MYO3B: variants seen among roughly 807,000 people sequenced by gnomAD.
MYO3B encodes myosin IIIB.
MYO3B carries 156 observed loss-of-function variants against 174.6 expected under a neutral mutation model. That is an observed-to-expected ratio of 0.89 (90% CI 0.78 to 1.02). The LOEUF (loss-of-function observed/expected upper bound fraction) is 1.02. Among genes scored for constraint, MYO3B ranks in the 50% least tolerant of loss-of-function variants. MYO3B has a pLI of 0.00. For synonymous variants in MYO3B, 563 were observed against 569.1 expected (o/e 0.99, Z 0.15); for missense variants, 1,632 against 1,639.4 (o/e 1.00, Z 0.08).
chr2:170,499,937 T>C (rs959348269), intron 27 of MYO3B, 129 bp downstream of exon 27: 36 of 638,648 alleles, frequency 5.6e-5, no homozygotes, highest in African/African-American at 9.6e-5. Flanking sequence ...CTCCCTCCCT[T>C]CCTTCCTTCC....
At chr2:170,352,304 T>C (rs1232227061) in intron 8 of MYO3B, among the ~76,000 whole-genome samples, 4 of 152,104 alleles carry the variant, frequency 2.6e-5, no homozygotes, top group Admixed American at 2.0e-4. Flanking sequence ...TACAGGAAAA[T>C]TGACAGTTAA....
chr2:170,385,993 A>T (rs1369207241), intron 12 of MYO3B, 196 bp from the exon 13 acceptor site: 1 of 474,646 alleles, frequency 2.1e-6, no homozygotes, highest in Non-Finnish European at 3.8e-6. Context: ...TAAACAGATT[A>T]TGGTACATAT....
At chr2:170,579,567 G>T (rs931038074) in intron 32 of MYO3B, among the ~76,000 whole-genome samples, 1 of 152,206 alleles carries the variant, frequency 6.6e-6, no homozygotes, top group Non-Finnish European at 1.5e-5. Flanking sequence ...TGTGTAGGCA[G>T]AAGCCAATTT....
intron 22 of MYO3B, among the ~76,000 whole-genome samples, chr2:170,443,447 T>C (rs559149302): frequency 3.8e-4 from 58 of 152,352 alleles, no homozygotes; most frequent in South Asian, 1.7e-3. Context: ...AGGTTGCCTG[T>C]TCACTCTGAT....
intron 6 of MYO3B, among the ~76,000 whole-genome samples, chr2:170,222,077 C>T (rs1448005738): frequency 1.3e-5 from 2 of 152,144 alleles, no homozygotes; most frequent in Non-Finnish European, 2.9e-5. Context: ...GTTGATTTAG[C>T]AGCTCATAAT....
chr2:170,196,382 A>G (rs998587032), intron 1 of MYO3B, among the ~76,000 whole-genome samples: 2 of 152,114 alleles, frequency 1.3e-5, no homozygotes, highest in Non-Finnish European at 2.9e-5. Context: ...GTGTGGTAGC[A>G]CATGCTTGTG....
chr2:170,191,816 G>C (rs1574551230), intron 1 of MYO3B, among the ~76,000 whole-genome samples: 1 of 152,250 alleles, frequency 6.6e-6, no homozygotes, highest in East Asian at 1.9e-4. Flanking sequence ...CTGATTTTAG[G>C]TTCTTATGAA....
chr2:170,426,975 G>A (rs1325167101), intron 22 of MYO3B, among the ~76,000 whole-genome samples: 2 of 151,702 alleles, frequency 1.3e-5, no homozygotes, highest in Non-Finnish European at 2.9e-5. Context: ...CCGAGATTGC[G>A]CCATTGCACT....
chr2:170,401,246 C>T (rs1246367135), intron 17 of MYO3B, among the ~76,000 whole-genome samples: 1 of 152,006 alleles, frequency 6.6e-6, no homozygotes, highest in Admixed American at 6.5e-5. Context: ...GGCAAAAGAC[C>T]ACCTCCTCTT....
chr2:170,431,757 CAATAAAACCGATGGGAGG>C (rs1233695131), intron 22 of MYO3B, among the ~76,000 whole-genome samples: 1 of 152,204 alleles, frequency 6.6e-6, no homozygotes, highest in African/African-American at 2.4e-5. Context: ...TACCTTTCTT[CAATAAAACCGATGGGAGG>C]ATAGTCTGGT....
intron 32 of MYO3B, among the ~76,000 whole-genome samples, chr2:170,556,728 G>A (rs1464249133): frequency 1.3e-5 from 2 of 152,118 alleles, no homozygotes; most frequent in Non-Finnish European, 2.9e-5. Context: ...CACCATGTTA[G>A]CCAGGCTGGT....
intron 1 of MYO3B, among the ~76,000 whole-genome samples, chr2:170,187,803 C>A (rs1359217086): frequency 6.6e-6 from 1 of 152,030 alleles, no homozygotes; most frequent in African/African-American, 2.4e-5. Context: ...TTACTGATTT[C>A]TAGTTTTAAT....
intron 32 of MYO3B, among the ~76,000 whole-genome samples, chr2:170,604,155 T>C (rs1030789279): frequency 6.6e-6 from 1 of 152,244 alleles, no homozygotes; most frequent in Non-Finnish European, 1.5e-5. Context: ...GAACATATCC[T>C]TGTTGTTAAG....
chr2:170,449,552 C>T (rs879745796), intron 23 of MYO3B, among the ~76,000 whole-genome samples: 5 of 151,944 alleles, frequency 3.3e-5, no homozygotes, highest in South Asian at 2.1e-4. Flanking sequence ...CTGAGGTGGG[C>T]GGATCACCTG....
rs540005533 is a variant in MYO3B at position 170,553,831 on chromosome 2, C to T, written c.3733+9843C>T. ...GTGGGAGGTGATTGGATCATGGGGG[C>T]GGATTTCCCCCTTGCTGTTCTCATG... On this transcript the variant is annotated intron_variant, in intron 32 of 34. Transcript: ENST00000408978. Among the ~76,000 whole-genome samples, 15 of 152,254 alleles carry T rather than the reference C, an allele frequency of 9.9e-5. No individual in the cohort carries two copies. In the South Asian group the frequency reaches 1.0e-3, roughly 11 times the overall value.
intron 32 of MYO3B, among the ~76,000 whole-genome samples, chr2:170,567,440 GTT>G (rs1459496310): frequency 6.6e-6 from 1 of 152,144 alleles, no homozygotes; most frequent in Non-Finnish European, 1.5e-5. Context: ...TAATAGAAAT[GTT>G]TAAAGCCCTC....
chr2:170,216,822 A>C (rs1305330051), intron 5 of MYO3B, among the ~76,000 whole-genome samples: 1 of 152,108 alleles, frequency 6.6e-6, no homozygotes, highest in East Asian at 1.9e-4. Flanking sequence ...GATATTTTGG[A>C]TTGATCCTAG....
rs548519304 is a variant in MYO3B, at chr2:170,532,813, T to G, written c.3576-10093T>G. Among the ~76,000 whole-genome samples the G allele has an allele frequency of 7.1e-5, 8 of 112,346 alleles. No homozygotes were observed. The East Asian group carries it at 1.8e-3, about 25-fold the overall frequency. The allele number at this position is 112,346 out of a possible 152,430, so 73.7% of individuals were successfully genotyped here. A position where few individuals can be genotyped will look rare whatever the true frequency, so the allele number is the denominator to read the frequency against. Reference sequence around the variant, plus strand: ...TCTGGGCAACAAGAGTGAAACTCTGTCTCAAAAAAAAAAAAAAAAAAAGAG... The same window carrying G: ...TCTGGGCAACAAGAGTGAAACTCTGGCTCAAAAAAAAAAAAAAAAAAAGAG... On this transcript the variant is annotated intron_variant, in intron 30 of 34. Coordinates refer to ENST00000408978, the MANE Select transcript of MYO3B (RefSeq NM_138995.5).
intron 23 of MYO3B, among the ~76,000 whole-genome samples, chr2:170,459,677 G>C (rs1038186566): frequency 2.0e-5 from 3 of 152,200 alleles, no homozygotes; most frequent in Non-Finnish European, 4.4e-5. Flanking sequence ...CATGGAGCAG[G>C]GGGTGGTGCC....
Sources: gnomAD v4.1 joint callset for allele counts (sites outside exome capture counted in the v4.1 genomes callset) on GRCh38, gnomAD v4.1.1 for gene constraint, MANE v1.5 for transcripts, NCBI Gene and HGNC (gene_info 2026-07-23, HGNC 2026-07-21) for gene names.